The following KLHL8 variants were observed in gnomAD, a reference collection of about 807,000 sequenced individuals.
KLHL8 encodes kelch-like protein 8.
In KLHL8, 38 loss-of-function variants were observed where a neutral mutation model predicts 63.5. That is an observed-to-expected ratio of 0.60 (90% CI 0.46 to 0.78). KLHL8 has a LOEUF of 0.78. Ranked by LOEUF, KLHL8 falls within the 30% of genes least tolerant of loss-of-function variation. The probability of loss-of-function intolerance (pLI) is 0.00; values close to 1 mark genes in which losing one functional copy is unlikely to be tolerated. For missense variants in KLHL8, 566 were observed against 752.4 expected (o/e 0.75, Z 2.90); for synonymous variants, 224 against 254.3 (o/e 0.88, Z 1.13).
At chr4:87,195,199 C>T (rs1731644686) in intron 2 of KLHL8, 125 bp downstream of exon 2, 2 of 667,142 alleles carry the variant, frequency 3.0e-6, no homozygotes, top group Admixed American at 3.0e-5. Context: ...AAGATTGAGA[C>T]TAAAAGCATT....
chr4:87,233,234 G>C (rs957704210), intron 1 of KLHL8, among the ~76,000 whole-genome samples: 1 of 151,904 alleles, frequency 6.6e-6, no homozygotes, highest in African/African-American at 2.4e-5. Context: ...GTAGAGACAG[G>C]GTTTTACCAT....
intron 1 of KLHL8, among the ~76,000 whole-genome samples, chr4:87,214,975 T>G (rs982598368): frequency 6.6e-6 from 1 of 152,036 alleles, no homozygotes; most frequent in African/African-American, 2.4e-5. Flanking sequence ...ATTTTTGTAT[T>G]TTTAGTAGAG....
chr4:87,200,848 C>A (rs1731893770), intron 1 of KLHL8, among the ~76,000 whole-genome samples: 1 of 152,200 alleles, frequency 6.6e-6, no homozygotes, highest in Non-Finnish European at 1.5e-5. Flanking sequence ...CCCATGTTCA[C>A]TGCAGCATTA....
At position 87,161,326 on chromosome 4, in the gene KLHL8, G is replaced by A. The variant is rs887366614; in HGVS notation, c.*2193C>T. The A allele has an allele frequency of 1.3e-5, 2 of 152,326 alleles. No individual in the cohort carries two copies. Among genetic ancestry groups the A allele is most frequent in the African/African-American group, 4.8e-5 (2 of 41,458 alleles). 9.4% of individuals were successfully genotyped at this position (152,326 alleles called of 1,614,324 possible). On this transcript the variant is annotated 3_prime_UTR_variant, in exon 10 of 10. Transcript: ENST00000273963. ...CCCAAAGTGCTGGGATCACAGGCGT[G>A]AGCCACCATGCCTGGCCTATTTATC...
intron 4 of KLHL8, among the ~76,000 whole-genome samples, chr4:87,180,881 A>T (rs1340102899): frequency 6.6e-6 from 1 of 151,994 alleles, no homozygotes; most frequent in South Asian, 2.1e-4. Flanking sequence ...AATCCCTACA[A>T]AAAAGAAAAA....
intron 8 of KLHL8, among the ~76,000 whole-genome samples, chr4:87,164,572 T>TA (rs1294083756): frequency 6.6e-6 from 1 of 152,208 alleles, no homozygotes; most frequent in Non-Finnish European, 1.5e-5. Context: ...CCATCATAAT[T>TA]ACAGAAATGG....
intron 2 of KLHL8, among the ~76,000 whole-genome samples, chr4:87,188,971 T>C (rs1174635053): frequency 6.6e-6 from 1 of 152,198 alleles, no homozygotes; most frequent in African/African-American, 2.4e-5. Context: ...AGAAAAACCT[T>C]AGACAATTAA....
chr4:87,166,301 G>A (rs1730396498), intron 8 of KLHL8, among the ~76,000 whole-genome samples: 1 of 152,190 alleles, frequency 6.6e-6, no homozygotes. Flanking sequence ...ACTTATAAGA[G>A]AATGCTGTAT....
At chr4:87,211,180 T>C (rs966197663) in intron 1 of KLHL8, among the ~76,000 whole-genome samples, 8 of 152,242 alleles carry the variant, frequency 5.3e-5, no homozygotes, top group Admixed American at 1.3e-4. Context: ...TTTTCTACTA[T>C]AATCCAAATT....
At chr4:87,165,367 C>A (rs2149825234) in intron 8 of KLHL8, among the ~76,000 whole-genome samples, 1 of 151,918 alleles carries the variant, frequency 6.6e-6, no homozygotes, top group South Asian at 2.1e-4. Context: ...ATTGCTCATG[C>A]TAATGTAGAT....
At chr4:87,187,390 C>T (rs1412358863) in intron 2 of KLHL8, among the ~76,000 whole-genome samples, 13 of 149,260 alleles carry the variant, frequency 8.7e-5, no homozygotes, top group Admixed American at 6.0e-4. Flanking sequence ...ATAAAAAGAT[C>T]TCATCTTTTT....
At position 87,163,393 on chromosome 4, in the gene KLHL8, A is replaced by G; in HGVS notation, c.*126T>C. On this transcript the variant is annotated 3_prime_UTR_variant, in exon 10 of 10. Transcript: ENST00000273963. Reference sequence around the variant, plus strand: ...TCCAAAAGTTGTACTTAGTCACAATACAACAGTTAACATTTAAATAAGACT... The same window carrying G: ...TCCAAAAGTTGTACTTAGTCACAATGCAACAGTTAACATTTAAATAAGACT... 2 of 926,550 alleles carry G rather than the reference A, an allele frequency of 2.2e-6. No individual in the cohort carries two copies. The highest frequency in any genetic ancestry group is 3.2e-6 in the Non-Finnish European group (2 of 616,820). The allele number at this position is 926,550 out of a possible 1,614,324, so 57.4% of individuals were successfully genotyped here. A position where few individuals can be genotyped will look rare whatever the true frequency, so the allele number is the denominator to read the frequency against.
intron 1 of KLHL8, among the ~76,000 whole-genome samples, chr4:87,214,413 C>CAG (rs1560716355): frequency 4.0e-4 from 18 of 45,328 alleles, no homozygotes; most frequent in Admixed American, 3.7e-3. Flanking sequence ...TGGCACATAA[C>CAG]AGATATATAT....
chr4:87,232,005 C>T (rs1422386118), intron 1 of KLHL8, among the ~76,000 whole-genome samples: 3 of 152,140 alleles, frequency 2.0e-5, no homozygotes, highest in Non-Finnish European at 2.9e-5. Flanking sequence ...GATGACATCT[C>T]CCTTTCAAAG....
chr4:87,166,363 ACAT>A (rs1730399507), intron 8 of KLHL8, among the ~76,000 whole-genome samples: 1 of 152,282 alleles, frequency 6.6e-6, no homozygotes, highest in Non-Finnish European at 1.5e-5. Flanking sequence ...CAAACAATTT[ACAT>A]CAACATATAT....
At chr4:87,163,672 A>G (rs1173504057) in intron 9 of KLHL8, 30 bp from the exon 10 acceptor site, 1 of 1,611,682 alleles carries the variant, frequency 6.2e-7, no homozygotes, top group Non-Finnish European at 8.5e-7. Flanking sequence ...AAAATGTTAC[A>G]AAGCATAATT....
intron 2 of KLHL8, among the ~76,000 whole-genome samples, chr4:87,186,131 T>C (rs1373593421): frequency 1.3e-5 from 2 of 151,942 alleles, no homozygotes; most frequent in Non-Finnish European, 2.9e-5. Flanking sequence ...CTCTGCCTCC[T>C]GGGTTTAAGC....
intron 3 of KLHL8, among the ~76,000 whole-genome samples, chr4:87,184,797 AGAAAAT>A (rs1731188367): frequency 6.6e-6 from 1 of 152,200 alleles, no homozygotes; most frequent in Non-Finnish European, 1.5e-5. Context: ...CGGTGAGAGA[AGAAAAT>A]AGAAGTGATG....
intron 2 of KLHL8, among the ~76,000 whole-genome samples, chr4:87,186,798 T>A (rs1440493155): frequency 6.6e-6 from 1 of 152,176 alleles, no homozygotes. Context: ...GCTTTTCATA[T>A]ACTAACTCAG....
Sources: gnomAD v4.1 joint callset for allele counts (sites outside exome capture counted in the v4.1 genomes callset) on GRCh38, gnomAD v4.1.1 for gene constraint, MANE v1.5 for transcripts, NCBI Gene and HGNC (gene_info 2026-07-23, HGNC 2026-07-21) for gene names.